DNAH17: variants seen among roughly 807,000 people sequenced by gnomAD.
DNAH17 encodes the protein axonemal beta dynein heavy chain 17.
DNAH17 carries 376 observed loss-of-function variants against 485.6 expected under a neutral mutation model. The observed-to-expected ratio is 0.77, with a 90% CI of 0.71 to 0.84. DNAH17 has a LOEUF of 0.84. Ranked by LOEUF, DNAH17 falls within the 40% of genes least tolerant of loss-of-function variation. The pLI is 0.00. For synonymous variants in DNAH17, 3,031 were observed against 2,405.9 expected, an observed-to-expected ratio of 1.26 and a Z score of -7.60; for missense variants, 6,370 against 5,839.3, an observed-to-expected ratio of 1.09 and a Z score of -2.96.
rs150882744 is a variant in DNAH17, at chr17:78,515,626, T to C, written c.3865-604A>G. 5.6e-3 allele frequency among the ~76,000 whole-genome samples: 846 copies of C among 152,368 alleles called. 10 individuals carry two copies. The highest frequency in any genetic ancestry group is 0.019 in the African/African-American group (808 of 41,590). ...TTTCTCTCACTTCTCAGTATGTCCATGTAGCTTGTCTTGGCCAAGGAAAGG... is the reference window on the plus strand; with the variant it reads ...TTTCTCTCACTTCTCAGTATGTCCACGTAGCTTGTCTTGGCCAAGGAAAGG... On this transcript the variant is annotated intron_variant, in intron 25 of 80. Coordinates refer to ENST00000389840, the MANE Select transcript of DNAH17 (RefSeq NM_173628.4).
Position 78,495,901 on chromosome 17 carries a change from C to T in DNAH17, c.5877G>A (p.Leu1959=). ...TGAATAAGGCTTTTAGGTTCTCAGG[C>T]AGCTCCGCGCGTCCGGCGTACCCAG... is the stretch of plus-strand genomic sequence containing the variant. The part of the protein sequence containing the change: ...MNPGYAGRAE[L]PENLKALFRP... Residue 1959 remains leucine, a synonymous_variant, in exon 38 of 81, where the codon CTG becomes CTA. Coordinates refer to ENST00000389840, the MANE Select transcript of DNAH17 (RefSeq NM_173628.4). 1 of 1,613,816 alleles carries T rather than the reference C, an allele frequency of 6.2e-7. No individual in the cohort carries two copies. Among genetic ancestry groups the T allele is most frequent in the Non-Finnish European group, 8.5e-7 (1 of 1,179,770 alleles).
chr17:78,542,572 T>C (rs866376895), intron 17 of DNAH17, among the ~76,000 whole-genome samples: 4 of 152,134 alleles, frequency 2.6e-5, no homozygotes, highest in African/African-American at 9.7e-5. Flanking sequence ...GAGGAGGATA[T>C]GAAAACCCCT....
rs767703486 is a variant in DNAH17, at chr17:78,561,680, CGGGGTG to C, written c.1835+29_1835+34del. On this transcript the variant is annotated intron_variant, in intron 12 of 80. Coordinates refer to ENST00000389840, the MANE Select transcript of DNAH17 (RefSeq NM_173628.4). The stretch of plus-strand genomic sequence containing the variant: ...CTCTCGCTCTCCCGCACCATGGAGG[CGGGGTG>C]CCTGCCCCTGCCCAGGGCTGTGACT... 4.4e-5 allele frequency: 69 copies of C among 1,567,658 alleles called. No homozygotes were observed. The Admixed American group carries it at 1.2e-3, about 27-fold the overall frequency.
At position 78,509,850 on chromosome 17, in the gene DNAH17, G is replaced by A. The variant is rs183007711; in HGVS notation, c.4236+534C>T. Among the ~76,000 whole-genome samples, 350 of 152,354 alleles carry A rather than the reference G, an allele frequency of 2.3e-3. 2 individuals carry two copies. The highest frequency in any genetic ancestry group is 7.9e-3 in the African/African-American group (327 of 41,588). On this transcript the variant is annotated intron_variant, in intron 27 of 80. Coordinates refer to ENST00000389840, the MANE Select transcript of DNAH17 (RefSeq NM_173628.4). ...TTCCAAACTATTGCATGTACGGGGC[G>A]GGCAGAGCTATAGCCGCAAATTGGG...
At chr17:78,556,389 G>A (rs932858660) in intron 14 of DNAH17, among the ~76,000 whole-genome samples, 18 of 152,192 alleles carry the variant, frequency 1.2e-4, no homozygotes, top group East Asian at 5.8e-4. Context: ...GCAGCCCAGC[G>A]GATGCCTTGA....
rs184297810 is a variant in DNAH17, at chr17:78,506,886, A to G, written c.4677-40T>C. On this transcript the variant is annotated intron_variant, in intron 29 of 80. Transcript: ENST00000389840. ...GGAAGTAGAGGAGGCCGGTGACCCT[A>G]CTCTGTAGGGATGTCTGCCACCCAC... The G allele has an allele frequency of 2.3e-3, 3,699 of 1,612,400 alleles. 10 individuals carry two copies. Among genetic ancestry groups the G allele is most frequent in the Non-Finnish European group, 2.3e-3 (2,746 of 1,179,198 alleles).
intron 75 of DNAH17, among the ~76,000 whole-genome samples, chr17:78,430,577 A>G (rs2086637750): frequency 6.6e-6 from 1 of 152,138 alleles, no homozygotes; most frequent in African/African-American, 2.4e-5. Context: ...ATATGTATAT[A>G]TTTTTTAGGT....
In DNAH17 at chr17:78,548,835, G is replaced by A. The variant is rs555139955; in HGVS notation, c.2391+2700C>T. On this transcript the variant is annotated intron_variant, in intron 16 of 80. Transcript: ENST00000389840. ...TGTCTGTTTTTGCTAGTTTTGAGACGGCATCTGAGGGCATGTGCCTGGGAG... is the reference window on the plus strand; with the variant it reads ...TGTCTGTTTTTGCTAGTTTTGAGACAGCATCTGAGGGCATGTGCCTGGGAG... Among the ~76,000 whole-genome samples, 18 of 152,340 alleles carry A rather than the reference G, an allele frequency of 1.2e-4. 1 individual carries two copies. In the South Asian group the frequency reaches 1.7e-3, roughly 14 times the overall value.
Position 78,429,113 on chromosome 17 carries a change from A to G in DNAH17, c.12405+8T>C, listed in dbSNP as rs1273524301. The G allele has an allele frequency of 1.2e-6, 2 of 1,609,526 alleles. No homozygotes were observed. Among genetic ancestry groups the G allele is most frequent in the South Asian group, 2.2e-5 (2 of 90,968 alleles). On this transcript the variant is annotated splice_region_variant and intron_variant, in intron 76 of 80. Coordinates refer to ENST00000389840, the MANE Select transcript of DNAH17 (RefSeq NM_173628.4). ...ACGTTGAGCTCCTGTTTAACTTGTC[A>G]TCCTTACCTTGTAGTCCAGGTTGGG...
intron 16 of DNAH17, among the ~76,000 whole-genome samples, chr17:78,548,580 A>G (rs947836869): frequency 1.6e-4 from 24 of 152,306 alleles, no homozygotes; most frequent in African/African-American, 4.8e-4. Flanking sequence ...TTTTTCTGAG[A>G]TATCTAAACG....
chr17:78,537,177 C>CA (rs781147566), intron 19 of DNAH17, 122 bp downstream of exon 19: 16,333 of 824,020 alleles, frequency 0.02, 2 homozygotes, highest in Non-Finnish European at 0.021. Flanking sequence ...GATTCCGTCT[C>CA]AAAAAAAAAA....
At chr17:78,575,803 TAA>T (rs1195454575) in intron 1 of DNAH17, among the ~76,000 whole-genome samples, 1 of 152,156 alleles carries the variant, frequency 6.6e-6, no homozygotes, top group Admixed American at 6.5e-5. Flanking sequence ...TTACAGAATT[TAA>T]AGACACACCC....
Position 78,514,971 on chromosome 17 carries a change from C to G in DNAH17, c.3916G>C (p.Val1306Leu), listed in dbSNP as rs199509018. 50 of 1,613,932 alleles carry G rather than the reference C, an allele frequency of 3.1e-5. No individual in the cohort carries two copies. Among genetic ancestry groups the G allele is most frequent in the Admixed American group, 8.3e-5 (5 of 60,008 alleles). ...WKTTKWKDIN[V>L]EQMDIDCKKF... Reference sequence around the variant, plus strand: ...TTACAATCTATGTCCATCTGCTCAACGTTGATATCTTTCCACTTGGTGGTC... The same window carrying G: ...TTACAATCTATGTCCATCTGCTCAAGGTTGATATCTTTCCACTTGGTGGTC... The change falls in exon 26 of 81, where the codon GTT (valine) becomes CTT (leucine). Residue 1306 changes from valine (V) to leucine (L), a missense_variant. Coordinates refer to ENST00000389840, the MANE Select transcript of DNAH17 (RefSeq NM_173628.4).
intron 48 of DNAH17, 71 bp downstream of exon 48, chr17:78,484,797 T>G (rs2089521916): frequency 9.2e-7 from 1 of 1,092,166 alleles, no homozygotes; most frequent in African/African-American, 1.8e-5. Context: ...CGCCTCTTCC[T>G]GCGCCCCGCC....
chr17:78,568,945 G>A (rs1030182309), intron 9 of DNAH17, among the ~76,000 whole-genome samples: 1 of 152,200 alleles, frequency 6.6e-6, no homozygotes, highest in African/African-American at 2.4e-5. Flanking sequence ...GAGATAAGGG[G>A]AGAAGCACCC....
rs941622984 is a variant in DNAH17 at position 78,544,258 on chromosome 17, A to G, written c.2392-261T>C. On this transcript the variant is annotated intron_variant, in intron 16 of 80. Transcript: ENST00000389840. ...CACAGAAAGACCATTGAGATGTTTC[A>G]CTCAACTGGGCCAGAATGGGGTCAC... Among the ~76,000 whole-genome samples the G allele has an allele frequency of 1.4e-4, 21 of 152,272 alleles. 1 individual carries two copies. Among genetic ancestry groups the G allele is most frequent in the Admixed American group, 1.1e-3 (17 of 15,300 alleles).
chr17:78,560,854 C>A lies in DNAH17; in HGVS notation c.1917G>T (p.Lys639Asn). 1 of 1,551,848 alleles carries A rather than the reference C, an allele frequency of 6.4e-7. No homozygotes were observed. Among genetic ancestry groups the A allele is most frequent in the Non-Finnish European group, 8.7e-7 (1 of 1,147,122 alleles). ...CGCCCGCCACCCACTGCTGGTAGAT[C>A]TTCTCGCGGTGGCACCTCAGCAGCT... The part of the protein sequence containing the change: ...MMELLRCHRE[K>N]IYQQWVAGVD... The change falls in exon 13 of 81, where the codon AAG becomes AAT. Residue 639 changes from lysine to asparagine, a missense_variant. By Grantham distance (94) the Lys-to-Asn change is moderately conservative. Transcript: ENST00000389840.
chr17:78,451,510 C>A lies in DNAH17; in HGVS notation c.10693G>T (p.Ala3565Ser). ...RDGLEDQLLA[A>S]VVAKERPDLE... Reference sequence around the variant, plus strand: ...TCTGGGCGCTCTTTGGCCACCACAGCGGCCAAGAGTTGGTCCTCGAGTCCA... The same window carrying A: ...TCTGGGCGCTCTTTGGCCACCACAGAGGCCAAGAGTTGGTCCTCGAGTCCA... The change falls in exon 66 of 81, where the codon GCT becomes TCT. Residue 3565 changes from alanine (A) to serine (S), a missense_variant. By Grantham distance (99) the Ala-to-Ser change is moderately conservative. Transcript: ENST00000389840. 1.2e-6 allele frequency: 2 copies of A among 1,613,502 alleles called. No individual in the cohort carries two copies. The highest frequency in any genetic ancestry group is 1.1e-5 in the South Asian group (1 of 91,062).
intron 48 of DNAH17, among the ~76,000 whole-genome samples, chr17:78,482,070 CTTTTTTT>C (rs36105381): frequency 0.033 from 4,302 of 130,660 alleles, 217 homozygotes; most frequent in African/African-American, 0.12. Flanking sequence ...ACACTAGTTA[CTTTTTTT>C]TTTTTTTTTT....
Sources: gnomAD v4.1 joint callset for allele counts (sites outside exome capture counted in the v4.1 genomes callset) on GRCh38, gnomAD v4.1.1 for gene constraint, MANE v1.5 for transcripts, NCBI Gene and HGNC (gene_info 2026-07-23, HGNC 2026-07-21) for gene names.